Variants in SOCS5 observed in about 807,000 individuals in gnomAD.
The protein encoded by SOCS5 is CIS-6.
Under a neutral mutation model 42.8 loss-of-function variants are expected in SOCS5, and 32 were observed. That is an observed-to-expected ratio of 0.75 (90% confidence interval 0.56 to 1.01). SOCS5 has a LOEUF of 1.01. SOCS5 is among the 50% of genes least tolerant of loss of function. SOCS5 has a pLI of 0.00. For synonymous variants in SOCS5, 283 were observed against 229.6 expected, an observed-to-expected ratio of 1.23 and a Z score of -2.10; for missense variants, 627 against 653.0, an observed-to-expected ratio of 0.96 and a Z score of 0.43.
chr2:46,751,472 GAGA>G (rs1262524314), intron 1 of SOCS5, among the ~76,000 whole-genome samples: 1 of 151,832 alleles, frequency 6.6e-6, no homozygotes, highest in Non-Finnish European at 1.5e-5. Flanking sequence ...TTTATTATAA[GAGA>G]AGATTATGTA....
At chr2:46,705,582 G>A (rs1416945409) in intron 1 of SOCS5, among the ~76,000 whole-genome samples, 3 of 152,198 alleles carry the variant, frequency 2.0e-5, no homozygotes. Context: ...TAAACCCACT[G>A]AATGTTAAAT....
At chr2:46,750,086 A>G (rs908792939) in intron 1 of SOCS5, among the ~76,000 whole-genome samples, 1 of 152,206 alleles carries the variant, frequency 6.6e-6, no homozygotes, top group Non-Finnish European at 1.5e-5. Flanking sequence ...GTTCAGAAAT[A>G]TGAAGAAAGA....
At chr2:46,731,462 A>C (rs535808614) in intron 1 of SOCS5, among the ~76,000 whole-genome samples, 2 of 152,300 alleles carry the variant, frequency 1.3e-5, no homozygotes, top group East Asian at 3.9e-4. Flanking sequence ...TGTTTTCGTT[A>C]TGACAGCCAG....
chr2:46,758,940 A>G lies in SOCS5; in HGVS notation c.410A>G (p.Asp137Gly), dbSNP rs1236325221. 1 of 1,614,004 alleles carries G rather than the reference A, an allele frequency of 6.2e-7. No homozygotes were observed. Among genetic ancestry groups the G allele is most frequent in the East Asian group, 2.2e-5 (1 of 44,878 alleles). ...TCTACAAAGACCCAGAGTTCATTGG[A>G]TGCTGATAAAAAGTTTGGTAGAACT... ...SCSTKTQSSL[D>G]ADKKFGRTRS... Residue 137 changes from aspartate (D) to glycine (G), a missense_variant, in exon 2 of 2, where the codon GAT becomes GGT. This residue lies in a region of SOCS5 where 278 missense variants were observed against 246.3 expected (regional missense o/e 1.13). Coordinates refer to ENST00000394861, the MANE Select transcript of SOCS5 (RefSeq NM_144949.3).
Position 46,761,857 on chromosome 2 carries a change from A to G in SOCS5, c.*1716A>G, listed in dbSNP as rs1673877780. ...ATTACTGTACAGTTTAGGTTATAAC[A>G]GAAAACTGACAGAGAAGTAATAAAC... On this transcript the variant is annotated 3_prime_UTR_variant, in exon 2 of 2. Coordinates refer to ENST00000394861, the MANE Select transcript of SOCS5 (RefSeq NM_144949.3). 6.0e-6 allele frequency: 1 copy of G among 166,918 alleles called. No individual in the cohort carries two copies. The highest frequency in any genetic ancestry group is 2.1e-4 in the South Asian group (1 of 4,832). The allele number at this position is 166,918 out of a possible 1,614,324, so 10.3% of individuals were successfully genotyped here. A position where few individuals can be genotyped will look rare whatever the true frequency, so the allele number is the denominator to read the frequency against.
chr2:46,709,301 C>A (rs1205985830), intron 1 of SOCS5, among the ~76,000 whole-genome samples: 1 of 152,178 alleles, frequency 6.6e-6, no homozygotes, highest in Non-Finnish European at 1.5e-5. Context: ...AGGCTGTAAT[C>A]TTTTCAGTTC....
chr2:46,730,916 G>C (rs1673104071), intron 1 of SOCS5, among the ~76,000 whole-genome samples: 1 of 152,186 alleles, frequency 6.6e-6, no homozygotes, highest in African/African-American at 2.4e-5. Flanking sequence ...TTGTGTTTAA[G>C]TCCGAGCTCT....
rs1673876601 is a variant in SOCS5 at position 46,761,800 on chromosome 2, ATACTGTGGAACAGTATCTG to A, written c.*1662_*1680del. The A allele has an allele frequency of 1.2e-5, 2 of 166,636 alleles. No homozygotes were observed. The highest frequency in any genetic ancestry group is 4.8e-5 in the African/African-American group (2 of 41,464). 10.3% of individuals were successfully genotyped at this position (166,636 alleles called of 1,614,324 possible). A position where few individuals can be genotyped will look rare whatever the true frequency, so the allele number is the denominator to read the frequency against. ...TACATCTTATCAGTCATAATTATATATACTGTGGAACAGTATCTGTAGTTACTGCAAATTACTGTACAGT... is the reference window on the plus strand; with the variant it reads ...TACATCTTATCAGTCATAATTATATATAGTTACTGCAAATTACTGTACAGT... On this transcript the variant is annotated 3_prime_UTR_variant, in exon 2 of 2. Coordinates refer to ENST00000394861, the MANE Select transcript of SOCS5 (RefSeq NM_144949.3).
At chr2:46,750,624 T>C (rs1317483955) in intron 1 of SOCS5, among the ~76,000 whole-genome samples, 2 of 152,174 alleles carry the variant, frequency 1.3e-5, no homozygotes, top group Non-Finnish European at 2.9e-5. Context: ...AACTTACTAA[T>C]ATAGAACCAT....
intron 1 of SOCS5, among the ~76,000 whole-genome samples, chr2:46,703,860 G>C (rs1162296541): frequency 1.3e-5 from 2 of 152,138 alleles, no homozygotes; most frequent in African/African-American, 2.4e-5. Context: ...AGTGGGGAGG[G>C]CTTTTGAATC....
intron 1 of SOCS5, among the ~76,000 whole-genome samples, chr2:46,710,635 A>G (rs1284716047): frequency 1.3e-5 from 2 of 152,254 alleles, no homozygotes; most frequent in African/African-American, 4.8e-5. Context: ...AAGGGCATCT[A>G]TTAAAAACCT....
rs1672294274 is a variant in SOCS5, at chr2:46,699,518, G to A, written c.-13+69G>A. Reference sequence around the variant, plus strand: ...GGCCCCCGCGCCGTCGTCCGCGGCCGCCTCTCGGTGCCCCAGTGCCCGCGC... The same window carrying A: ...GGCCCCCGCGCCGTCGTCCGCGGCCACCTCTCGGTGCCCCAGTGCCCGCGC... On this transcript the variant is annotated intron_variant, in intron 1 of 1. Transcript: ENST00000394861. The surrounding 1 kb of genome is among the most constrained non-coding windows in gnomAD (Gnocchi z 4.8). The A allele has an allele frequency of 6.6e-6, 1 of 151,794 alleles. No homozygotes were observed. Among genetic ancestry groups the A allele is most frequent in the Non-Finnish European group, 1.5e-5 (1 of 67,786 alleles). 9.4% of individuals were successfully genotyped at this position (151,794 alleles called of 1,614,324 possible).
rs1673853315 is a variant in SOCS5 at position 46,760,906 on chromosome 2, G to A, written c.*765G>A. The A allele has an allele frequency of 6.0e-6, 1 of 167,026 alleles. No homozygotes were observed. The highest frequency in any genetic ancestry group is 6.5e-5 in the Admixed American group (1 of 15,268). 10.3% of individuals were successfully genotyped at this position (167,026 alleles called of 1,614,324 possible). A position where few individuals can be genotyped will look rare whatever the true frequency, so the allele number is the denominator to read the frequency against. ...GTGTGTGATTTTTTTTTAAGTTGAT[G>A]TGCAGTCTAATTGTTGTTTCATAAA... On this transcript the variant is annotated 3_prime_UTR_variant, in exon 2 of 2. Transcript: ENST00000394861.
chr2:46,740,917 T>G (rs969615094), intron 1 of SOCS5, among the ~76,000 whole-genome samples: 1 of 152,118 alleles, frequency 6.6e-6, no homozygotes, highest in African/African-American at 2.4e-5. Flanking sequence ...ACACCCACAT[T>G]TGAGTATGTC....
chr2:46,744,576 G>C (rs1228718937), intron 1 of SOCS5, among the ~76,000 whole-genome samples: 1 of 150,420 alleles, frequency 6.6e-6, no homozygotes, highest in African/African-American at 2.5e-5. Context: ...TGCCCAAGCT[G>C]GAGTGCAATG....
intron 1 of SOCS5, among the ~76,000 whole-genome samples, chr2:46,743,672 C>G (rs147048008): frequency 6.6e-6 from 1 of 152,250 alleles, no homozygotes; most frequent in African/African-American, 2.4e-5. Flanking sequence ...CTCATTTTAC[C>G]CAACCCCTAC....
At chr2:46,700,014 A>C (rs1032382270) in intron 1 of SOCS5, among the ~76,000 whole-genome samples, 1 of 152,170 alleles carries the variant, frequency 6.6e-6, no homozygotes, top group Non-Finnish European at 1.5e-5. Flanking sequence ...TAACTAACCA[A>C]GGTGGGTAAG....
chr2:46,701,111 G>A (rs905186245), intron 1 of SOCS5, among the ~76,000 whole-genome samples: 1 of 152,204 alleles, frequency 6.6e-6, no homozygotes, highest in African/African-American at 2.4e-5. Context: ...CAGGGAGAAT[G>A]TACTGGCTTA....
At chr2:46,716,937 A>G (rs1029947887) in intron 1 of SOCS5, among the ~76,000 whole-genome samples, 3 of 152,170 alleles carry the variant, frequency 2.0e-5, no homozygotes, top group Middle Eastern at 3.4e-3. Context: ...TAATTTCCCC[A>G]TGTATTCATC....
Sources: allele counts gnomAD v4.1 joint callset (sites outside exome capture counted in the v4.1 genomes callset), GRCh38; gene constraint gnomAD v4.1.1; regional missense constraint gnomAD v4.1.1; non-coding constraint Gnocchi (gnomAD v3.1); transcripts MANE v1.5; gene names NCBI Gene and HGNC (gene_info 2026-07-23, HGNC 2026-07-21).